SOX5: variants seen among roughly 807,000 people sequenced by gnomAD.
SOX5 encodes SRY-box transcription factor 5.
A neutral mutation model predicts 92.0 loss-of-function variants in SOX5; 9 were observed. The observed-to-expected ratio is 0.10, with a 90% confidence interval of 0.06 to 0.17. SOX5 has a LOEUF of 0.17. Ranked by LOEUF, SOX5 falls within the 10% of genes least tolerant of loss-of-function variation. The pLI is 1.00. For synonymous variants in SOX5, 344 were observed against 336.3 expected (o/e 1.02, Z -0.25); for missense variants, 642 against 944.5 (o/e 0.68, Z 4.20).
chr12:23,551,580 T>C (rs1236435198), intron 11 of SOX5, among the ~76,000 whole-genome samples: 1 of 151,924 alleles, frequency 6.6e-6, no homozygotes, highest in African/African-American at 2.4e-5. Context: ...GATCTGTCAC[T>C]AATTTTACCT....
intron 3 of SOX5, among the ~76,000 whole-genome samples, chr12:24,225,163 G>A (rs368943780): frequency 1.4e-4 from 21 of 152,238 alleles, no homozygotes; most frequent in East Asian, 3.9e-4. Context: ...CATACCCTCC[G>A]CTTTCTTTCC....
chr12:24,035,241 A>T (rs1240563974), intron 4 of SOX5, among the ~76,000 whole-genome samples: 1 of 152,026 alleles, frequency 6.6e-6, no homozygotes, highest in East Asian at 1.9e-4. Context: ...CTACTTTTTA[A>T]TTTTACCAAC....
At chr12:24,325,805 A>C (rs995623032) in intron 2 of SOX5, among the ~76,000 whole-genome samples, 2 of 152,214 alleles carry the variant, frequency 1.3e-5, no homozygotes, top group African/African-American at 4.8e-5. Context: ...GGGGGCAATA[A>C]AGATTCTTGC....
At chr12:24,318,220 T>A (rs1226244162) in intron 2 of SOX5, among the ~76,000 whole-genome samples, 8 of 151,970 alleles carry the variant, frequency 5.3e-5, no homozygotes, top group Non-Finnish European at 8.8e-5. Flanking sequence ...AAAATAATAA[T>A]AAAATAAAAT....
chr12:23,680,818 AT>A (rs2086501994), intron 6 of SOX5, among the ~76,000 whole-genome samples: 2 of 152,300 alleles, frequency 1.3e-5, no homozygotes, highest in African/African-American at 4.8e-5. Context: ...CAACAGTAGT[AT>A]TAGACGTCAA....
intron 4 of SOX5, among the ~76,000 whole-genome samples, chr12:24,010,956 T>G (rs1470489690): frequency 6.6e-6 from 1 of 151,710 alleles, no homozygotes; most frequent in Non-Finnish European, 1.5e-5. Flanking sequence ...AAAAAAAGAA[T>G]AATATTCTGA....
In SOX5 at chr12:24,263,538, AAACAAAAAAAAAAAC is replaced by A. The variant is rs1163212788; in HGVS notation, c.-77+13663_-77+13677del. 7.0e-4 allele frequency among the ~76,000 whole-genome samples: 96 copies of A among 137,514 alleles called. No individual in the cohort carries two copies. The Middle Eastern group carries it at 0.011, about 16-fold the overall frequency. 90.2% of individuals were successfully genotyped at this position (137,514 alleles called of 152,430 possible). A position where few individuals can be genotyped will look rare whatever the true frequency, so the allele number is the denominator to read the frequency against. ...GCGAGACTCCGTCTCAAAAAAAAAA[AAACAAAAAAAAAAAC>A]AAAAACAAGAAATTACTAAAAGGAA... is the stretch of plus-strand genomic sequence containing the variant. On this transcript the variant is annotated intron_variant, in intron 3 of 4. Coordinates refer to the SOX5 transcript ENST00000446891.
At chr12:24,365,478 C>T (rs1447223099) in intron 2 of SOX5, among the ~76,000 whole-genome samples, 1 of 151,762 alleles carries the variant, frequency 6.6e-6, no homozygotes, top group Admixed American at 6.6e-5. Context: ...AGAAAGTACC[C>T]ATGTTTTCCT....
At chr12:24,057,963 G>C (rs540580559) in intron 4 of SOX5, among the ~76,000 whole-genome samples, 9 of 152,266 alleles carry the variant, frequency 5.9e-5, no homozygotes, top group African/African-American at 1.9e-4. Flanking sequence ...AATAATCCTT[G>C]TATTTTCTTC....
At chr12:23,889,398 C>G (rs985240521) in intron 2 of SOX5, among the ~76,000 whole-genome samples, 1 of 152,094 alleles carries the variant, frequency 6.6e-6, no homozygotes, top group Non-Finnish European at 1.5e-5. Flanking sequence ...ATTTTCTGAA[C>G]AGTATTACGC....
intron 6 of SOX5, among the ~76,000 whole-genome samples, chr12:23,716,149 T>C (rs2092479462): frequency 6.6e-6 from 1 of 152,208 alleles, no homozygotes; most frequent in Non-Finnish European, 1.5e-5. Flanking sequence ...TGTAACTTAG[T>C]GTGCTTATAT....
At chr12:24,157,684 T>G (rs1287391800) in intron 4 of SOX5, among the ~76,000 whole-genome samples, 1 of 152,118 alleles carries the variant, frequency 6.6e-6, no homozygotes, top group African/African-American at 2.4e-5. Flanking sequence ...AGAAGCCTTA[T>G]AGGCAGTGCC....
intron 3 of SOX5, among the ~76,000 whole-genome samples, chr12:23,829,804 T>G (rs2096286216): frequency 6.6e-6 from 1 of 152,114 alleles, no homozygotes; most frequent in Non-Finnish European, 1.5e-5. Context: ...AATGATGGCT[T>G]GATTATTAAG....
At chr12:24,354,033 T>A (rs1405628506) in intron 2 of SOX5, among the ~76,000 whole-genome samples, 1 of 152,166 alleles carries the variant, frequency 6.6e-6, no homozygotes, top group East Asian at 1.9e-4. Flanking sequence ...TTAATTGAGA[T>A]CCCTACCCTT....
intron 3 of SOX5, among the ~76,000 whole-genome samples, chr12:23,768,565 G>T (rs1262655785): frequency 6.6e-6 from 1 of 152,050 alleles, no homozygotes; most frequent in East Asian, 1.9e-4. Flanking sequence ...CTAGTAATTA[G>T]GATAAATTAG....
intron 4 of SOX5, among the ~76,000 whole-genome samples, chr12:24,008,712 T>C (rs1471180112): frequency 6.6e-6 from 1 of 152,144 alleles, no homozygotes; most frequent in Non-Finnish European, 1.5e-5. Flanking sequence ...ATTCCTATGT[T>C]ATTAAAGAAG....
intron 8 of SOX5, among the ~76,000 whole-genome samples, chr12:23,625,643 T>G (rs2077675990): frequency 6.6e-6 from 1 of 152,196 alleles, no homozygotes; most frequent in African/African-American, 2.4e-5. Context: ...TAAGTCTCGC[T>G]CCGTTGCCCA....
intron 5 of SOX5, among the ~76,000 whole-genome samples, chr12:23,735,952 AT>A (rs1191766076): frequency 2.0e-5 from 3 of 152,152 alleles, no homozygotes; most frequent in Non-Finnish European, 2.9e-5. Context: ...GGCCATGTAT[AT>A]TTTACTCACT....
At chr12:24,285,878 A>G (rs1353165859) in intron 2 of SOX5, among the ~76,000 whole-genome samples, 1 of 152,200 alleles carries the variant, frequency 6.6e-6, no homozygotes, top group African/African-American at 2.4e-5. Context: ...TTAACGGAAA[A>G]AGATAAAAAT....
Sources: gnomAD v4.1 joint callset for allele counts (sites outside exome capture counted in the v4.1 genomes callset) on GRCh38, gnomAD v4.1.1 for gene constraint, MANE v1.5 for transcripts, NCBI Gene and HGNC (gene_info 2026-07-23, HGNC 2026-07-21) for gene names.